Variants in DEPDC4 observed in about 807,000 individuals in gnomAD.
DEPDC4 encodes DEP domain-containing protein 4.
A neutral mutation model predicts 52.0 loss-of-function variants in DEPDC4; 52 were observed. The ratio of observed to expected loss-of-function variants is 1.00; its 90% CI spans 0.80 to 1.26. DEPDC4 has a LOEUF of 1.26. Ranked by LOEUF, DEPDC4 falls within the 50% of genes most tolerant of loss-of-function variation. The pLI is 0.00. For synonymous variants in DEPDC4, 201 were observed against 196.8 expected (o/e 1.02, Z -0.18); for missense variants, 530 against 546.9 (o/e 0.97, Z 0.31).
intron 4 of DEPDC4, among the ~76,000 whole-genome samples, chr12:100,254,515 G>A (rs1038564732): frequency 2.0e-5 from 3 of 151,594 alleles, no homozygotes; most frequent in Admixed American, 6.6e-5. Context: ...GCATAGAGAC[G>A]GGGTTTTACT....
the DEPDC4 span, among the ~76,000 whole-genome samples, chr12:100,272,284 T>A: frequency 6.6e-6 from 1 of 152,196 alleles, no homozygotes; most frequent in Non-Finnish European, 1.5e-5. Flanking sequence ...TCTTCATTAA[T>A]CAAAGGAAAA....
At chr12:100,245,671 T>C (rs766034049) in intron 8 of DEPDC4, among the ~76,000 whole-genome samples, 4 of 152,222 alleles carry the variant, frequency 2.6e-5, no homozygotes, top group Non-Finnish European at 4.4e-5. Context: ...GCCTGTGCAT[T>C]GTACAGGCCT....
chr12:100,250,169 T>C (rs1450366588), intron 7 of DEPDC4, among the ~76,000 whole-genome samples: 1 of 152,134 alleles, frequency 6.6e-6, no homozygotes, highest in Non-Finnish European at 1.5e-5. Flanking sequence ...CTCCAGCCCA[T>C]GTCAAGTTCC....
the DEPDC4 span, among the ~76,000 whole-genome samples, chr12:100,275,433 C>T: frequency 6.6e-6 from 1 of 152,158 alleles, no homozygotes; most frequent in Non-Finnish European, 1.5e-5. Context: ...TGTACTCAAG[C>T]AATCCTTCCA....
rs957966217 is a variant in DEPDC4, at chr12:100,241,228, A to G, written c.*664T>C. Among the ~76,000 whole-genome samples, 1 of 152,230 alleles carries G rather than the reference A, an allele frequency of 6.6e-6. No homozygotes were observed. The highest frequency in any genetic ancestry group is 6.5e-5 in the Admixed American group (1 of 15,286). On this transcript the variant is annotated 3_prime_UTR_variant, in exon 10 of 10. Transcript: ENST00000550587. ...TATGAAAAGCTCCTTTCCTGTGGAA[A>G]AAAAAGGAAATTAACTGTACTAGAT...
rs569767826 is a variant in DEPDC4 at position 100,257,771 on chromosome 12, C to T, written c.701-1545G>A. On this transcript the variant is annotated intron_variant, in intron 3 of 9. Transcript: ENST00000550587. ...GGTTGTTATCAATTAGTTGTAAACA[C>T]CATTGCATTTGGACCAGCCTGGTTT... 3.9e-5 allele frequency: 6 copies of T among 152,382 alleles called. No homozygotes were observed. The East Asian group carries it at 1.2e-3, about 29-fold the overall frequency. 9.4% of individuals were successfully genotyped at this position (152,382 alleles called of 1,614,324 possible).
At chr12:100,271,081 A>G (rs1331337518), upstream of DEPDC4, among the ~76,000 whole-genome samples, 7 of 152,190 alleles carry the variant, frequency 4.6e-5, no homozygotes, top group South Asian at 4.1e-4. Flanking sequence ...TTTGTTCTGT[A>G]TAAGATTAAA....
chr12:100,263,692 C>T lies in DEPDC4; in HGVS notation c.359G>A (p.Gly120Glu). 1 of 1,614,052 alleles carries T rather than the reference C, an allele frequency of 6.2e-7. No homozygotes were observed. Among genetic ancestry groups the T allele is most frequent in the South Asian group, 1.1e-5 (1 of 91,070 alleles). The change falls in exon 2 of 10, where the codon GGG (glycine) becomes GAG (glutamate). Residue 120 changes from glycine (G) to glutamate (E), a missense_variant. Transcript: ENST00000550587. ...LSSNDISCLKGVHLCQVLMNH... is the reference protein window; with the variant it reads ...LSSNDISCLKEVHLCQVLMNH... Reference sequence around the variant, plus strand: ...CATTAGAACTTGGCAAAGATGAACCCCTTTAAGACAAGAGATGTCATTGCT... The same window carrying T: ...CATTAGAACTTGGCAAAGATGAACCTCTTTAAGACAAGAGATGTCATTGCT...
chr12:100,245,298 G>A (rs759697728), intron 8 of DEPDC4, among the ~76,000 whole-genome samples: 9 of 151,946 alleles, frequency 5.9e-5, no homozygotes, highest in Admixed American at 2.6e-4. Context: ...ACAGGGTCTC[G>A]CTCTGTCCCC....
At position 100,240,121 on chromosome 12, in the gene DEPDC4, G is replaced by T. The variant is rs1396520886; in HGVS notation, c.*1771C>A. ...ATTAATTATGCTTCTGTTTCCCTGT[G>T]ATCAACAATATAAATTAAGATGACC... On this transcript the variant is annotated 3_prime_UTR_variant, in exon 10 of 10. Transcript: ENST00000550587. Among the ~76,000 whole-genome samples, 1 of 152,060 alleles carries T rather than the reference G, an allele frequency of 6.6e-6. No individual in the cohort carries two copies. The highest frequency in any genetic ancestry group is 1.5e-5 in the Non-Finnish European group (1 of 68,016).
intron 3 of DEPDC4, 114 bp downstream of exon 3, chr12:100,262,150 G>A (rs1447703664): frequency 8.9e-6 from 9 of 1,013,560 alleles, no homozygotes; most frequent in Non-Finnish European, 1.3e-5. Context: ...GGGTATGTGG[G>A]AACTGTACTT....
downstream of DEPDC4, among the ~76,000 whole-genome samples, chr12:100,235,572 ATTC>A (rs997825762): frequency 6.8e-5 from 10 of 147,414 alleles, no homozygotes; most frequent in East Asian, 2.0e-4. Flanking sequence ...CCACTGTATC[ATTC>A]TTTTTTTTTT....
Position 100,252,494 on chromosome 12 carries a change from T to C in DEPDC4, c.1148A>G (p.Tyr383Cys). 6.2e-7 allele frequency: 1 copy of C among 1,609,404 alleles called. No homozygotes were observed. Among genetic ancestry groups the C allele is most frequent in the African/African-American group, 1.3e-5 (1 of 74,962 alleles). The change falls in exon 6 of 10, where the codon TAT becomes TGT. Residue 383 changes from tyrosine (Y) to cysteine (C), a missense_variant. Transcript: ENST00000550587. Reference protein sequence around the residue: ...RAEALEATQLYLRLLLLNIRE... With the variant: ...RAEALEATQLCLRLLLLNIRE... ...AATGTTCAGCAACAGCAATCTTAGA[T>C]ATAGTTGTGTTGCTTCAAGTGCTTC...
chr12:100,256,365 TTAGA>T (rs527932021), intron 3 of DEPDC4, 139 bp from the exon 4 acceptor site: 39 of 534,550 alleles, frequency 7.3e-5, no homozygotes, highest in African/African-American at 2.8e-4. Flanking sequence ...AATTTAATGC[TTAGA>T]TAATTTACAT....
Position 100,267,010 on chromosome 12 carries a change from G to A in DEPDC4, c.67C>T (p.Leu23Phe). The change falls in exon 1 of 10, where the codon CTT becomes TTT. Residue 23 changes from leucine to phenylalanine, a missense_variant. Transcript: ENST00000550587. Reference sequence around the variant, plus strand: ...CCCGGAAGCTCGTTCTGACTGACAAGTCTACGGAACCTCGGAGTCAAAAGA... The same window carrying A: ...CCCGGAAGCTCGTTCTGACTGACAAATCTACGGAACCTCGGAGTCAAAAGA... ...AVLLTPRFRR[L>F]VSQNELPGPG... 4 of 1,614,110 alleles carry A rather than the reference G, an allele frequency of 2.5e-6. No homozygotes were observed. The highest frequency in any genetic ancestry group is 3.4e-6 in the Non-Finnish European group (4 of 1,179,990).
the DEPDC4 span, among the ~76,000 whole-genome samples, chr12:100,273,714 A>T: frequency 3.9e-5 from 6 of 152,164 alleles, no homozygotes; most frequent in African/African-American, 1.4e-4. Context: ...TGGTATTATA[A>T]TCCCTTCTGG....
At chr12:100,252,697 G>A (rs916845556) in intron 5 of DEPDC4, among the ~76,000 whole-genome samples, 161 bp from the exon 6 acceptor site, 1 of 152,124 alleles carries the variant, frequency 6.6e-6, no homozygotes, top group Non-Finnish European at 1.5e-5. Flanking sequence ...AAACACACAG[G>A]AAATTATCTT....
chr12:100,256,032 T>C lies in DEPDC4; in HGVS notation c.878+17A>G. On this transcript the variant is annotated intron_variant, in intron 4 of 9. Coordinates refer to ENST00000550587, the MANE Select transcript of DEPDC4 (RefSeq NM_001364818.2). ...AAACTGTTTACAAATTATTTGACAA[T>C]AAAAATGGTCACTTACTCAGGTAGA... 3 of 1,558,990 alleles carry C rather than the reference T, an allele frequency of 1.9e-6. No individual in the cohort carries two copies. Among genetic ancestry groups the C allele is most frequent in the Non-Finnish European group, 1.7e-6 (2 of 1,151,458 alleles).
chr12:100,262,503 T>G (rs1253721562), intron 2 of DEPDC4, 94 bp from the exon 3 acceptor site: 1 of 1,030,958 alleles, frequency 9.7e-7, no homozygotes, highest in Non-Finnish European at 1.3e-6. Context: ...TATTCATACA[T>G]TCTCTATTTC....
Sources: gnomAD v4.1 joint callset for allele counts (sites outside exome capture counted in the v4.1 genomes callset) on GRCh38, gnomAD v4.1.1 for gene constraint, MANE v1.5 for transcripts, NCBI Gene and HGNC (gene_info 2026-07-23, HGNC 2026-07-21) for gene names.